REEP3: variants seen among roughly 807,000 people sequenced by gnomAD.
The protein encoded by REEP3 is receptor expression-enhancing protein 3.
REEP3 carries 20 observed loss-of-function variants against 41.3 expected under a neutral mutation model. The ratio of observed to expected loss-of-function variants is 0.48; its 90% CI spans 0.34 to 0.70. The LOEUF (loss-of-function observed/expected upper bound fraction) is 0.70. REEP3 is among the 30% of genes least tolerant of loss of function. REEP3 has a pLI of 0.01. For synonymous variants in REEP3, 104 were observed against 101.8 expected (o/e 1.02, Z -0.13); for missense variants, 271 against 308.8 (o/e 0.88, Z 0.92).
intron 2 of REEP3, among the ~76,000 whole-genome samples, chr10:63,569,242 C>T (rs1389448189): frequency 6.6e-6 from 1 of 152,062 alleles, no homozygotes; most frequent in Non-Finnish European, 1.5e-5. Context: ...TAAATGGGAA[C>T]CATTTCCCTA....
Position 63,613,012 on chromosome 10 carries a change from A to AT in REEP3, c.565+2689dup, listed in dbSNP as rs948563099. On this transcript the variant is annotated intron_variant, in intron 6 of 7. Coordinates refer to ENST00000373758, the MANE Select transcript of REEP3 (RefSeq NM_001001330.3). ...CTATTTTTATGGTACTCACCTATCA[A>AT]TTTTTTTTTTTCTTTTTGAGATGGA... is the stretch of plus-strand genomic sequence containing the variant. 3.1e-3 allele frequency among the ~76,000 whole-genome samples: 462 copies of AT among 147,584 alleles called. 1 individual carries two copies. The highest frequency in any genetic ancestry group is 5.8e-3 in the Non-Finnish European group (383 of 66,454).
intron 6 of REEP3, among the ~76,000 whole-genome samples, chr10:63,616,462 A>G (rs1180970544): frequency 6.6e-6 from 1 of 152,246 alleles, no homozygotes; most frequent in Non-Finnish European, 1.5e-5. Context: ...CATTCATAAT[A>G]GAATTTTAAA....
At chr10:63,571,204 TC>T (rs1411710346) in intron 2 of REEP3, among the ~76,000 whole-genome samples, 1 of 152,212 alleles carries the variant, frequency 6.6e-6, no homozygotes, top group Non-Finnish European at 1.5e-5. Flanking sequence ...TTATATGATT[TC>T]CTACGAGTTT....
intron 7 of REEP3, among the ~76,000 whole-genome samples, chr10:63,620,579 T>C (rs1956346071): frequency 7.3e-6 from 1 of 137,644 alleles, no homozygotes; most frequent in Non-Finnish European, 1.6e-5. Context: ...AAAACATAAA[T>C]AATAGGATTA....
At chr10:63,591,544 G>C (rs970911855) in intron 2 of REEP3, among the ~76,000 whole-genome samples, 1 of 152,186 alleles carries the variant, frequency 6.6e-6, no homozygotes. Flanking sequence ...CTATTGATTA[G>C]ATAGTTTGCT....
intron 2 of REEP3, among the ~76,000 whole-genome samples, chr10:63,585,627 C>G (rs941089231): frequency 3.1e-4 from 47 of 152,008 alleles, no homozygotes; most frequent in African/African-American, 1.1e-3. Flanking sequence ...TAATGTTTAT[C>G]AAATTAATAT....
intron 2 of REEP3, among the ~76,000 whole-genome samples, chr10:63,572,563 C>T (rs1163900937): frequency 2.6e-5 from 4 of 152,150 alleles, no homozygotes; most frequent in African/African-American, 9.7e-5. Context: ...ACAGTTTTAT[C>T]AGAACTCTGT....
chr10:63,541,121 A>G (rs1955524233), intron 1 of REEP3, among the ~76,000 whole-genome samples: 1 of 152,176 alleles, frequency 6.6e-6, no homozygotes, highest in Admixed American at 6.5e-5. Flanking sequence ...AAAACATGTT[A>G]CTTTTTAAAC....
chr10:63,541,570 C>G (rs1955528354), intron 1 of REEP3, among the ~76,000 whole-genome samples: 1 of 152,110 alleles, frequency 6.6e-6, no homozygotes, highest in Admixed American at 6.5e-5. Flanking sequence ...TAACCATCTA[C>G]CAGTATACAA....
chr10:63,597,484 GCTTA>G (rs1450382934), intron 3 of REEP3, among the ~76,000 whole-genome samples: 14 of 152,168 alleles, frequency 9.2e-5, no homozygotes, highest in African/African-American at 3.1e-4. Context: ...GCTTTCCTAT[GCTTA>G]CTACAAAGGA....
intron 1 of REEP3, among the ~76,000 whole-genome samples, chr10:63,527,290 T>C (rs1955374007): frequency 6.6e-6 from 1 of 151,780 alleles, no homozygotes; most frequent in Non-Finnish European, 1.5e-5. Context: ...ACTTCTCCCA[T>C]CTTAAAAAAA....
In REEP3 at chr10:63,525,589, T is replaced by C. The variant is rs200223515; in HGVS notation, c.32+4012T>C. Among the ~76,000 whole-genome samples, 10 of 152,274 alleles carry C rather than the reference T, an allele frequency of 6.6e-5. No individual in the cohort carries two copies. The East Asian group carries it at 1.9e-3, about 29-fold the overall frequency. ...ATGTGCTACCATGCCCAGCTAATTTTTGTATTTTTAGTAGAGACGGGGTTT... is the reference window on the plus strand; with the variant it reads ...ATGTGCTACCATGCCCAGCTAATTTCTGTATTTTTAGTAGAGACGGGGTTT... On this transcript the variant is annotated intron_variant, in intron 1 of 7. Coordinates refer to ENST00000373758, the MANE Select transcript of REEP3 (RefSeq NM_001001330.3).
intron 5 of REEP3, among the ~76,000 whole-genome samples, chr10:63,607,046 A>C (rs1229676734): frequency 6.6e-6 from 1 of 152,206 alleles, no homozygotes; most frequent in Non-Finnish European, 1.5e-5. Context: ...AGATGTAAAA[A>C]CTGGAAGGAA....
intron 1 of REEP3, among the ~76,000 whole-genome samples, chr10:63,546,987 T>G (rs1022576612): frequency 4.6e-5 from 7 of 151,024 alleles, no homozygotes; most frequent in African/African-American, 1.7e-4. Flanking sequence ...AGTGGTGCAA[T>G]CTCAGCTCAC....
At chr10:63,533,385 G>A (rs1281338217) in intron 1 of REEP3, among the ~76,000 whole-genome samples, 1 of 152,196 alleles carries the variant, frequency 6.6e-6, no homozygotes, top group Non-Finnish European at 1.5e-5. Flanking sequence ...GTCATGATCA[G>A]TTCTTCACTG....
chr10:63,618,096 G>A lies in REEP3; in HGVS notation c.566-1559G>A, dbSNP rs1956325943. On this transcript the variant is annotated intron_variant, in intron 6 of 7. Coordinates refer to ENST00000373758, the MANE Select transcript of REEP3 (RefSeq NM_001001330.3). ...CCACCTTGGCCTCCCGAAGTGCTGGGATTACAGGTGTGAGCCACTGCGCCT... is the reference window on the plus strand; with the variant it reads ...CCACCTTGGCCTCCCGAAGTGCTGGAATTACAGGTGTGAGCCACTGCGCCT... Among the ~76,000 whole-genome samples the A allele has an allele frequency of 2.0e-5, 3 of 151,766 alleles. No homozygotes were observed. The South Asian group carries it at 6.2e-4, about 31-fold the overall frequency.
intron 1 of REEP3, among the ~76,000 whole-genome samples, chr10:63,540,127 C>T (rs1191183331): frequency 6.6e-6 from 1 of 152,128 alleles, no homozygotes; most frequent in Non-Finnish European, 1.5e-5. Flanking sequence ...AGTGATTTTT[C>T]TAGACAAACT....
intron 1 of REEP3, among the ~76,000 whole-genome samples, chr10:63,543,924 T>C (rs1955554137): frequency 6.6e-6 from 1 of 152,184 alleles, no homozygotes; most frequent in Non-Finnish European, 1.5e-5. Context: ...TGTTACGTTT[T>C]TAGAGAAAAG....
At position 63,598,037 on chromosome 10, in the gene REEP3, T is replaced by G. The variant is rs1412384317; in HGVS notation, c.196T>G (p.Tyr66Asp). 3.1e-6 allele frequency: 5 copies of G among 1,612,304 alleles called. No individual in the cohort carries two copies. In the African/African-American group the frequency reaches 5.3e-5, roughly 17 times the overall value. Residue 66 changes from tyrosine (Y) to aspartate (D), a missense_variant, in exon 4 of 8, where the codon TAT becomes GAT. Transcript: ENST00000373758. ...TTTTCTTATTAGGTTTCCCCTGTACTATGAGCTGAAGATTGCTTTTGTCAT... is the reference window on the plus strand; with the variant it reads ...TTTTCTTATTAGGTTTCCCCTGTACGATGAGCTGAAGATTGCTTTTGTCAT... Reference protein sequence around the residue: ...DQTVAWFPLYYELKIAFVIWL... With the variant: ...DQTVAWFPLYDELKIAFVIWL...
Sources: allele counts gnomAD v4.1 joint callset (sites outside exome capture counted in the v4.1 genomes callset), GRCh38; gene constraint gnomAD v4.1.1; transcripts MANE v1.5; gene names NCBI Gene and HGNC (gene_info 2026-07-23, HGNC 2026-07-21).